The following RP1L1 variants were observed in gnomAD, a reference collection of about 807,000 sequenced individuals.
RP1L1 encodes the protein retinitis pigmentosa 1-like 1 protein.
A neutral mutation model predicts 15.7 loss-of-function variants in RP1L1; 27 were observed. The observed-to-expected ratio is 1.72, with a 90% CI of 1.27 to 2.38. RP1L1 has a LOEUF of 2.38. Ranked by LOEUF, RP1L1 falls within the 30% of genes most tolerant of loss-of-function variation. The pLI is 0.00. For synonymous variants in RP1L1, 1,813 were observed against 1,276.7 expected (o/e 1.42, Z -8.96); for missense variants, 4,798 against 3,075.9 (o/e 1.56, Z -13.24).
Position 10,622,780 on chromosome 8 carries a change from G to A in RP1L1, c.422C>T (p.Thr141Ile). The A allele has an allele frequency of 6.2e-7, 1 of 1,613,918 alleles. No homozygotes were observed. Among genetic ancestry groups the A allele is most frequent in the Non-Finnish European group, 8.5e-7 (1 of 1,179,938 alleles). The change falls in exon 2 of 4, where the codon ACC (threonine) becomes ATC (isoleucine). Residue 141 changes from threonine to isoleucine, a missense_variant. Transcript: ENST00000382483. The stretch of plus-strand genomic sequence containing the variant: ...TTTAAGACTCTTCCGGGAGGAGGAG[G>A]TGCCTGGGGCTTCACGCTGGCCTTC... ...DVEGQREAPG[T>I]SSSRKSLKTP...
intron 1 of RP1L1, among the ~76,000 whole-genome samples, chr8:10,637,411 C>G (rs1485891743): frequency 6.6e-6 from 1 of 152,150 alleles, no homozygotes; most frequent in African/African-American, 2.4e-5. Flanking sequence ...GAAAACTCCT[C>G]TAAGCCTTTT....
Position 10,608,699 on chromosome 8 carries a change from C to T in RP1L1, c.5399G>A (p.Arg1800Lys), listed in dbSNP as rs1797763069. The T allele has an allele frequency of 6.2e-7, 1 of 1,614,126 alleles. No individual in the cohort carries two copies. The highest frequency in any genetic ancestry group is 8.5e-7 in the Non-Finnish European group (1 of 1,180,050). Reference protein sequence around the residue: ...AEQEGEGISERGETGGQGSGH... With the variant: ...AEQEGEGISEKGETGGQGSGH... Reference sequence around the variant, plus strand: ...AGAGCCTTGACCCCCAGTTTCTCCCCTTTCACTTATGCCCTCTCCCTCCTG... The same window carrying T: ...AGAGCCTTGACCCCCAGTTTCTCCCTTTTCACTTATGCCCTCTCCCTCCTG... The change falls in exon 4 of 4, where the codon AGG becomes AAG. Residue 1800 changes from arginine to lysine, a missense_variant. Coordinates refer to ENST00000382483, the MANE Select transcript of RP1L1 (RefSeq NM_178857.6).
At chr8:10,614,661 CAAA>C (rs772003815) in intron 3 of RP1L1, among the ~76,000 whole-genome samples, 48 of 75,594 alleles carry the variant, frequency 6.3e-4, no homozygotes, top group African/African-American at 2.3e-3. Context: ...ATTCTGTCGT[CAAA>C]AAAAAAAAAA....
At chr8:10,624,718 A>T (rs1798129543) in intron 1 of RP1L1, among the ~76,000 whole-genome samples, 1 of 152,158 alleles carries the variant, frequency 6.6e-6, no homozygotes, top group African/African-American at 2.4e-5. Flanking sequence ...GTCAGGGTGG[A>T]GCAAAGCCAT....
At position 10,608,588 on chromosome 8, in the gene RP1L1, G is replaced by A. The variant is rs201398746; in HGVS notation, c.5510C>T (p.Ala1837Val). 1.2e-6 allele frequency: 2 copies of A among 1,614,152 alleles called. No homozygotes were observed. Among genetic ancestry groups the A allele is most frequent in the South Asian group, 1.1e-5 (1 of 91,082 alleles). The change falls in exon 4 of 4, where the codon GCC becomes GTC. Residue 1837 changes from alanine (A) to valine (V), a missense_variant. Coordinates refer to ENST00000382483, the MANE Select transcript of RP1L1 (RefSeq NM_178857.6). ...CTGGGCCTCCCCTTCAGCCTCCGGGGCCTCTATGCCTTCGGCCCCATCACT... is the reference window on the plus strand; with the variant it reads ...CTGGGCCTCCCCTTCAGCCTCCGGGACCTCTATGCCTTCGGCCCCATCACT... ...GQSDGAEGIE[A>V]PEAEGEAQPE...
chr8:10,646,513 C>A (rs1167850154), intron 1 of RP1L1, among the ~76,000 whole-genome samples: 1 of 152,124 alleles, frequency 6.6e-6, no homozygotes, highest in Non-Finnish European at 1.5e-5. Flanking sequence ...GTGACGCAGG[C>A]CCTAGAAACA....
chr8:10,616,729 G>A (rs1797973005), intron 2 of RP1L1, 142 bp from the exon 3 acceptor site: 4 of 961,974 alleles, frequency 4.2e-6, no homozygotes, highest in South Asian at 3.5e-5. Flanking sequence ...CCAAGGAGGG[G>A]TCTTATCCAC....
At chr8:10,653,024 T>A (rs559627683) in intron 1 of RP1L1, among the ~76,000 whole-genome samples, 1 of 152,322 alleles carries the variant, frequency 6.6e-6, no homozygotes, top group East Asian at 1.9e-4. Flanking sequence ...GGGTGAAAAC[T>A]CTTTCTGTCC....
At chr8:10,624,868 G>C (rs535046106) in intron 1 of RP1L1, among the ~76,000 whole-genome samples, 1 of 152,166 alleles carries the variant, frequency 6.6e-6, no homozygotes, top group Non-Finnish European at 1.5e-5. Context: ...TTGTCGAACA[G>C]GAAGAGCCCC....
rs758699416 is a variant in RP1L1 at position 10,622,753 on chromosome 8, G to T, written c.449C>A (p.Thr150Asn). Residue 150 changes from threonine to asparagine, a missense_variant, in exon 2 of 4, where the codon ACC becomes AAC. Thr to Asn is a moderately conservative substitution (Grantham distance 65, BLOSUM62 0). Transcript: ENST00000382483. ...GTSSSRKSLK[T>N]PRRILLIKNM... ...CTTAATCAGCAGTATCCTCCGGGGGGTTTTAAGACTCTTCCGGGAGGAGGA... is the reference window on the plus strand; with the variant it reads ...CTTAATCAGCAGTATCCTCCGGGGGTTTTTAAGACTCTTCCGGGAGGAGGA... 1.2e-6 allele frequency: 2 copies of T among 1,614,018 alleles called. No individual in the cohort carries two copies. The highest frequency in any genetic ancestry group is 1.3e-5 in the African/African-American group (1 of 74,906).
chr8:10,631,647 CT>C (rs1338829134), intron 1 of RP1L1, among the ~76,000 whole-genome samples: 1 of 152,238 alleles, frequency 6.6e-6, no homozygotes, highest in Admixed American at 6.5e-5. Context: ...CCTGTCCCCC[CT>C]CCTCCACTTC....
chr8:10,621,387 A>G (rs6999766), intron 2 of RP1L1: 203,400 of 248,248 alleles, frequency 0.82, 84,290 homozygotes, highest in Non-Finnish European at 0.87. Context: ...AGTACAGTGT[A>G]TGATCTTGGC....
At chr8:10,618,214 T>C (rs1303585932) in intron 2 of RP1L1, among the ~76,000 whole-genome samples, 3 of 152,124 alleles carry the variant, frequency 2.0e-5, no homozygotes, top group Non-Finnish European at 4.4e-5. Flanking sequence ...TAATATCAGC[T>C]ACCAGCCAGA....
Position 10,608,356 on chromosome 8 carries a change from C to A in RP1L1, c.5742G>T (p.Glu1914Asp). 1 of 1,613,192 alleles carries A rather than the reference C, an allele frequency of 6.2e-7. No individual in the cohort carries two copies. The highest frequency in any genetic ancestry group is 8.5e-7 in the Non-Finnish European group (1 of 1,179,922). ...EGAEAPEAEK[E>D]AQPETESVEA... Reference sequence around the variant, plus strand: ...CTACACTTTCTGTCTCTGGCTGGGCCTCCTTTTCTGCCTCCGGGGCTTCTG... The same window carrying A: ...CTACACTTTCTGTCTCTGGCTGGGCATCCTTTTCTGCCTCCGGGGCTTCTG... The change falls in exon 4 of 4, where the codon GAG (glutamate) becomes GAT (aspartate). Residue 1914 changes from glutamate to aspartate, a missense_variant. Glu to Asp is a conservative substitution (Grantham distance 45, BLOSUM62 2). Transcript: ENST00000382483.
chr8:10,631,370 TGC>T (rs1798246694), intron 1 of RP1L1, among the ~76,000 whole-genome samples: 1 of 21,758 alleles, frequency 4.6e-5, no homozygotes, highest in African/African-American at 1.7e-4. Flanking sequence ...CAAACACACA[TGC>T]ACACAAACAC....
chr8:10,646,645 C>A (rs1187633514), intron 1 of RP1L1, among the ~76,000 whole-genome samples: 1 of 152,048 alleles, frequency 6.6e-6, no homozygotes, highest in East Asian at 1.9e-4. Context: ...CGAGCCAGCC[C>A]CTCTAAAGTC....
chr8:10,613,443 G>C (rs1797914264), intron 3 of RP1L1, 97 bp from the exon 4 acceptor site: 9 of 1,511,966 alleles, frequency 6.0e-6, no homozygotes, highest in Non-Finnish European at 8.0e-6. Flanking sequence ...AGCCTCCCAC[G>C]ACCTCAGCAT....
chr8:10,610,000 CCCTTCTCCT>C lies in RP1L1; in HGVS notation c.4089_4097del (p.Gly1364_Gly1366del). ...CTAACTGCACCCCCTCTTCTTGCAG[CCCTTCTCCT>C]CCTGTTTCTTCAATTTCCTCTAACT... On this transcript the variant is annotated inframe_deletion, in exon 4 of 4. Coordinates refer to ENST00000382483, the MANE Select transcript of RP1L1 (RefSeq NM_178857.6). 1.9e-6 allele frequency: 3 copies of C among 1,588,942 alleles called. No homozygotes were observed. The East Asian group carries it at 7.0e-5, about 37-fold the overall frequency.
intron 1 of RP1L1, among the ~76,000 whole-genome samples, chr8:10,638,000 C>T (rs1248448219): frequency 1.3e-5 from 2 of 152,202 alleles, no homozygotes; most frequent in Non-Finnish European, 2.9e-5. Flanking sequence ...CGATGGTGCC[C>T]ACCCCAGAAG....
Sources: allele counts gnomAD v4.1 joint callset (sites outside exome capture counted in the v4.1 genomes callset), GRCh38; gene constraint gnomAD v4.1.1; transcripts MANE v1.5; gene names NCBI Gene and HGNC (gene_info 2026-07-23, HGNC 2026-07-21).